The following RCBTB2 variants were observed in gnomAD, a reference collection of about 807,000 sequenced individuals.
RCBTB2 encodes RCC1 and BTB domain containing protein 2.
In RCBTB2, 55 loss-of-function variants were observed where a neutral mutation model predicts 65.4. The observed-to-expected ratio is 0.84, with a 90% CI of 0.68 to 1.05. The LOEUF (loss-of-function observed/expected upper bound fraction) is 1.05, where lower values mean the gene tolerates loss of function less well. RCBTB2 is among the 50% of genes least tolerant of loss of function. RCBTB2 has a pLI of 0.00. For synonymous variants in RCBTB2, 220 were observed against 255.2 expected, an observed-to-expected ratio of 0.86 and a Z score of 1.31; for missense variants, 599 against 680.1, an observed-to-expected ratio of 0.88 and a Z score of 1.33.
At chr13:48,515,149 G>A (rs1009753802) in intron 6 of RCBTB2, 56 bp downstream of exon 6, 4 of 1,519,314 alleles carry the variant, frequency 2.6e-6, no homozygotes, top group Non-Finnish European at 3.6e-6. Flanking sequence ...ATTAAACAAT[G>A]TTCTCAAGGG....
chr13:48,512,832 T>C lies in RCBTB2; in HGVS notation c.413A>G (p.His138Arg), dbSNP rs746852001. ...AGAGATATGACAGGGCACTAAACCA[T>C]GATTAGTTGTCCCATTGCCCAGCTG... ...YSQLGNGTTN[H>R]GLVPCHISTN... Residue 138 changes from histidine (H) to arginine (R), a missense_variant, in exon 7 of 15, where the codon CAT becomes CGT. His to Arg is a conservative substitution (Grantham distance 29, BLOSUM62 0). Transcript: ENST00000344532. The C allele has an allele frequency of 5.6e-6, 9 of 1,613,650 alleles. No homozygotes were observed. The highest frequency in any genetic ancestry group is 1.3e-5 in the African/African-American group (1 of 75,046).
upstream of RCBTB2, among the ~76,000 whole-genome samples, chr13:48,533,752 T>C (rs753188321): frequency 2.0e-5 from 3 of 152,362 alleles, no homozygotes; most frequent in South Asian, 2.1e-4. Flanking sequence ...TTAAGTAAAA[T>C]GCACCACAAC....
At chr13:48,515,484 C>CTTT in intron 5 of RCBTB2, 102 bp downstream of exon 5, 1 of 1,263,898 alleles carries the variant, frequency 7.9e-7, no homozygotes, top group Non-Finnish European at 1.1e-6. Flanking sequence ...AATTTCCATG[C>CTTT]TTTTTTTTTT....
chr13:48,524,162 A>G (rs999759591), intron 2 of RCBTB2, among the ~76,000 whole-genome samples: 8 of 152,150 alleles, frequency 5.3e-5, no homozygotes, highest in Admixed American at 4.6e-4. Flanking sequence ...AAAGAAAACT[A>G]TCATCCCCAA....
At chr13:48,508,306 G>A (rs781734585) in intron 10 of RCBTB2, among the ~76,000 whole-genome samples, 4 of 152,192 alleles carry the variant, frequency 2.6e-5, no homozygotes, top group South Asian at 2.1e-4. Flanking sequence ...GAATACGCCC[G>A]TGATTGAGTG....
Position 48,515,657 on chromosome 13 carries a change from G to A in RCBTB2, c.127C>T (p.Gln43Ter). Reference sequence around the variant, plus strand: ...AAGACACAAGCCTGACGAATTAACTGTAGTTCTTCTTCAGAACAAAGGGAA... The same window carrying A: ...AAGACACAAGCCTGACGAATTAACTATAGTTCTTCTTCAGAACAAAGGGAA... ...IFSLCSEEEL[Q>*]LIRQACVFGS... Residue 43 changes from glutamine to a stop codon, truncating the protein, a stop_gained, in exon 5 of 15, where the codon CAG becomes TAG. Coordinates refer to ENST00000344532, the MANE Select transcript of RCBTB2 (RefSeq NM_001268.4). LOFTEE classifies it high-confidence loss of function. 5.0e-6 allele frequency: 8 copies of A among 1,613,854 alleles called. No individual in the cohort carries two copies. Among genetic ancestry groups the A allele is most frequent in the Non-Finnish European group, 6.8e-6 (8 of 1,179,816 alleles).
intron 10 of RCBTB2, among the ~76,000 whole-genome samples, chr13:48,508,695 G>C (rs1234888190): frequency 6.6e-6 from 1 of 152,144 alleles, no homozygotes; most frequent in Non-Finnish European, 1.5e-5. Flanking sequence ...TGAGTGCCTG[G>C]CCCATCCATG....
intron 10 of RCBTB2, 57 bp from the exon 11 acceptor site, chr13:48,502,971 G>T: frequency 6.9e-7 from 1 of 1,457,952 alleles, no homozygotes; most frequent in Non-Finnish European, 9.2e-7. Context: ...AACAAGTTGG[G>T]TCCTCCTCCC....
chr13:48,522,273 T>C (rs1951470223), intron 3 of RCBTB2, 35 bp downstream of exon 3: 2 of 1,317,426 alleles, frequency 1.5e-6, no homozygotes. Context: ...ATTTCAGAGT[T>C]GACTTCCTGT....
intron 1 of RCBTB2, among the ~76,000 whole-genome samples, chr13:48,529,225 G>A (rs146456746): frequency 8.0e-4 from 122 of 151,940 alleles, no homozygotes; most frequent in Non-Finnish European, 1.5e-3. Context: ...TTTAAATCTC[G>A]GTCCTTATAG....
chr13:48,496,156 C>A, intron 14 of RCBTB2, 35 bp downstream of exon 14: 1 of 1,416,042 alleles, frequency 7.1e-7, no homozygotes, highest in Non-Finnish European at 9.3e-7. Flanking sequence ...TCCATTTCTC[C>A]AGGAGGCCGG....
In RCBTB2 at chr13:48,509,142, T is replaced by C. The variant is rs558062368; in HGVS notation, c.926+1487A>G. Among the ~76,000 whole-genome samples, 68 of 151,994 alleles carry C rather than the reference T, an allele frequency of 4.5e-4. 1 individual carries two copies. The highest frequency in any genetic ancestry group is 1.6e-3 in the African/African-American group (68 of 41,472). ...GCCCAGGAGCTACCAGCCTGGGCAA[T>C]GTGGCAAAACCCTGGCCCTGCAAAA... On this transcript the variant is annotated intron_variant, in intron 10 of 14. Transcript: ENST00000344532.
At chr13:48,495,863 C>G (rs952051425) in intron 14 of RCBTB2, among the ~76,000 whole-genome samples, 21 of 152,268 alleles carry the variant, frequency 1.4e-4, no homozygotes, top group South Asian at 8.3e-4. Flanking sequence ...TTGTTTTTCA[C>G]TCTGGTAAAC....
In RCBTB2 at chr13:48,515,227, T is replaced by G. The variant is rs1278029781; in HGVS notation, c.327A>C (p.Pro109=). The G allele has an allele frequency of 9.3e-6, 15 of 1,614,028 alleles. No homozygotes were observed. The highest frequency in any genetic ancestry group is 1.3e-5 in the Non-Finnish European group (15 of 1,179,964). Residue 109 remains proline, a synonymous_variant, in exon 6 of 15, where the codon CCA becomes CCC. Coordinates refer to ENST00000344532, the MANE Select transcript of RCBTB2 (RefSeq NM_001268.4). ...KIACLSYGSG[P]HIVLATTEGE... ...TACCTGTTGTTGCAAGGACAATATGTGGACCACTCCCATAGCTGAGGCAGG... is the reference window on the plus strand; with the variant it reads ...TACCTGTTGTTGCAAGGACAATATGGGGACCACTCCCATAGCTGAGGCAGG...
chr13:48,510,555 C>G, intron 10 of RCBTB2, 74 bp downstream of exon 10: 1 of 1,457,286 alleles, frequency 6.9e-7, no homozygotes, highest in Non-Finnish European at 9.5e-7. Context: ...CCCCACCATT[C>G]TCTATATATC....
intron 8 of RCBTB2, 68 bp from the exon 9 acceptor site, chr13:48,511,945 A>G: frequency 6.2e-7 from 1 of 1,606,232 alleles, no homozygotes; most frequent in South Asian, 1.1e-5. Context: ...GTTATGTGGG[A>G]CATACCATAC....
Position 48,515,739 on chromosome 13 carries a change from T to C in RCBTB2, c.45A>G (p.Pro15=), listed in dbSNP as rs760227756. Residue 15 remains proline (P), a splice_region_variant and synonymous_variant, in exon 5 of 15, where the codon CCA becomes CCG. Coordinates refer to ENST00000344532, the MANE Select transcript of RCBTB2 (RefSeq NM_001268.4). ...TCAAAGATGACAGAGTAGCCTGTAC[T>C]GGCTGAAAAGGAAAAAATATATGTT... is the stretch of plus-strand genomic sequence containing the variant. ...LPLFSGDSGK[P]VQATLSSLKM... 2 of 1,590,856 alleles carry C rather than the reference T, an allele frequency of 1.3e-6. No homozygotes were observed. The highest frequency in any genetic ancestry group is 2.2e-5 in the East Asian group (1 of 44,762).
Position 48,496,235 on chromosome 13 carries a change from T to C in RCBTB2, c.1471A>G (p.Asn491Asp), listed in dbSNP as rs1566259589. The C allele has an allele frequency of 1.9e-6, 3 of 1,590,166 alleles. No individual in the cohort carries two copies. The highest frequency in any genetic ancestry group is 2.3e-5 in the South Asian group (2 of 88,372). ...QTIKQGICEENAIALLSAAVK... is the reference protein window; with the variant it reads ...QTIKQGICEEDAIALLSAAVK... Reference sequence around the variant, plus strand: ...GCAGCCGAGAGCAGAGCGATGGCATTCTCCTCGCAGATGCCTTGCTTGATA... The same window carrying C: ...GCAGCCGAGAGCAGAGCGATGGCATCCTCCTCGCAGATGCCTTGCTTGATA... Residue 491 changes from asparagine to aspartate, a missense_variant, in exon 14 of 15, where the codon AAT becomes GAT. Physicochemically the swap from Asn to Asp is conservative, Grantham distance 23. Transcript: ENST00000344532.
At chr13:48,533,105 T>A (rs7997110), upstream of RCBTB2, 1 of 439,442 alleles carries the variant, frequency 2.3e-6, no homozygotes, top group Non-Finnish European at 4.6e-6. Flanking sequence ...GGCGCCGCGA[T>A]GAGTTGGCGC....
Sources: gnomAD v4.1 joint callset for allele counts (sites outside exome capture counted in the v4.1 genomes callset) on GRCh38, gnomAD v4.1.1 for gene constraint, MANE v1.5 for transcripts, NCBI Gene and HGNC (gene_info 2026-07-23, HGNC 2026-07-21) for gene names.